The following SLC37A1 variants were observed in gnomAD, a reference collection of about 807,000 sequenced individuals.
The protein encoded by SLC37A1 is glucose-6-phosphate exchanger SLC37A1.
In SLC37A1, 49 loss-of-function variants were observed where a neutral mutation model predicts 75.3. That is an observed-to-expected ratio of 0.65 (90% CI 0.52 to 0.83). The LOEUF (loss-of-function observed/expected upper bound fraction) is 0.83, where lower values mean the gene tolerates loss of function less well. SLC37A1 is among the 40% of genes least tolerant of loss of function. The probability of loss-of-function intolerance (pLI) is 0.00; values close to 1 mark genes in which losing one functional copy is unlikely to be tolerated. For missense variants in SLC37A1, 566 were observed against 695.0 expected (o/e 0.81, Z 2.09); for synonymous variants, 268 against 292.1 (o/e 0.92, Z 0.84).
chr21:42,579,635 A>T, intron 18 of SLC37A1, 101 bp from the exon 19 acceptor site: 2 of 1,047,576 alleles, frequency 1.9e-6, no homozygotes, highest in Non-Finnish European at 2.6e-6. Flanking sequence ...GGAGAGAGCC[A>T]CCCGCCCAGG....
chr21:42,522,022 C>T (rs768264623), intron 2 of SLC37A1, among the ~76,000 whole-genome samples: 5 of 152,200 alleles, frequency 3.3e-5, no homozygotes, highest in Non-Finnish European at 4.4e-5. Flanking sequence ...CTGCTGCTGC[C>T]GCCGTTCTTG....
rs1463476609 is a variant in SLC37A1, at chr21:42,547,238, C to G, written c.768+98C>G. 7.6e-7 allele frequency: 1 copy of G among 1,319,562 alleles called. No homozygotes were observed. Among genetic ancestry groups the G allele is most frequent in the Admixed American group, 1.8e-5 (1 of 57,014 alleles). The allele number at this position is 1,319,562 out of a possible 1,614,324, so 81.7% of individuals were successfully genotyped here. ...CTGTGCGGTGTCAGACAGAAACACA[C>G]AGGGTAGACAGAAGTCCCACCCTCA... On this transcript the variant is annotated intron_variant, in intron 9 of 19. Transcript: ENST00000352133. The surrounding 1 kb of genome is among the most constrained non-coding windows in gnomAD (Gnocchi z 6.1).
intron 17 of SLC37A1, among the ~76,000 whole-genome samples, chr21:42,571,793 G>T (rs2056175823): frequency 1.1e-5 from 1 of 88,300 alleles, no homozygotes; most frequent in South Asian, 3.1e-4. Flanking sequence ...TTTTTTCCCG[G>T]GTAAGTAAAC....
intron 18 of SLC37A1, among the ~76,000 whole-genome samples, chr21:42,576,561 G>T (rs2056314527): frequency 6.6e-6 from 1 of 151,952 alleles, no homozygotes. Context: ...AAAAATGGTG[G>T]AATTGGACTC....
chr21:42,568,400 C>T lies in SLC37A1; in HGVS notation c.1385C>T (p.Ser462Phe). Residue 462 changes from serine (S) to phenylalanine (F), a missense_variant, in exon 17 of 20, where the codon TCC becomes TTC. Transcript: ENST00000352133. Reference protein sequence around the residue: ...KSLKGNAHALSTVTAIIDGTG... With the variant: ...KSLKGNAHALFTVTAIIDGTG... ...CTGAAAGGCAACGCGCACGCCCTCT[C>T]CACCGTGACGGCCATCATTGACGGG... 1 of 1,614,172 alleles carries T rather than the reference C, an allele frequency of 6.2e-7. No homozygotes were observed. Among genetic ancestry groups the T allele is most frequent in the Non-Finnish European group, 8.5e-7 (1 of 1,180,012 alleles).
upstream of SLC37A1, among the ~76,000 whole-genome samples, chr21:42,512,877 A>T (rs990679877): frequency 6.6e-6 from 1 of 152,268 alleles, no homozygotes; most frequent in African/African-American, 2.4e-5. Flanking sequence ...TGCGAGGCCT[A>T]GCAGGGCAGG....
At chr21:42,566,884 C>T (rs1219085771) in intron 15 of SLC37A1, 101 bp from the exon 16 acceptor site, 7 of 1,174,096 alleles carry the variant, frequency 6.0e-6, no homozygotes, top group African/African-American at 1.5e-5. Flanking sequence ...TCTGCTGCAT[C>T]CCCTCCCTGT....
At chr21:42,521,523 A>G (rs2054649482) in intron 2 of SLC37A1, among the ~76,000 whole-genome samples, 1 of 152,246 alleles carries the variant, frequency 6.6e-6, no homozygotes, top group African/African-American at 2.4e-5. Context: ...CAGTCAAACA[A>G]GGAGACAGAT....
chr21:42,575,873 C>A, intron 18 of SLC37A1: 1 of 985,264 alleles, frequency 1.0e-6, no homozygotes, highest in Non-Finnish European at 1.2e-6. Flanking sequence ...TCTGTGGGTT[C>A]TTTTAATGCC....
intron 12 of SLC37A1, among the ~76,000 whole-genome samples, chr21:42,563,404 G>A (rs1160219099): frequency 1.3e-5 from 2 of 152,196 alleles, no homozygotes; most frequent in African/African-American, 4.8e-5. Flanking sequence ...CCCAGAACCT[G>A]TACAAAACCT....
chr21:42,510,474 G>C (rs767650032), upstream of SLC37A1, among the ~76,000 whole-genome samples: 8 of 152,066 alleles, frequency 5.3e-5, no homozygotes, highest in Non-Finnish European at 8.8e-5. Context: ...AAGCAACAAA[G>C]GAACTACAAA....
intron 12 of SLC37A1, among the ~76,000 whole-genome samples, chr21:42,563,145 C>T (rs550302187): frequency 6.6e-6 from 1 of 152,284 alleles, no homozygotes; most frequent in East Asian, 1.9e-4. Context: ...TGCCTTGTGA[C>T]CCCCGCCTCA....
Position 42,519,665 on chromosome 21 carries a change from T to C in SLC37A1, c.56+1155T>C, listed in dbSNP as rs113544164. Among the ~76,000 whole-genome samples the C allele has an allele frequency of 7.1e-3, 1,081 of 152,334 alleles. 6 individuals are homozygous for C. The highest frequency in any genetic ancestry group is 8.8e-3 in the Non-Finnish European group (596 of 68,024). ...GCCCTGTGCAGCTTCTCAGCCCTGCTGGTTGGTGGAGCATCCACAGGGTGT... is the reference window on the plus strand; with the variant it reads ...GCCCTGTGCAGCTTCTCAGCCCTGCCGGTTGGTGGAGCATCCACAGGGTGT... On this transcript the variant is annotated intron_variant, in intron 2 of 19. Transcript: ENST00000352133.
intron 12 of SLC37A1, 96 bp from the exon 13 acceptor site, chr21:42,563,719 C>A: frequency 9.0e-7 from 1 of 1,111,548 alleles, no homozygotes; most frequent in Non-Finnish European, 1.4e-6. Flanking sequence ...CTTATGAAGC[C>A]AGAGTCCCGT....
At chr21:42,525,530 C>T (rs1228725908) in intron 2 of SLC37A1, among the ~76,000 whole-genome samples, 1 of 152,234 alleles carries the variant, frequency 6.6e-6, no homozygotes, top group African/African-American at 2.4e-5. Context: ...GTGTGTTGTG[C>T]ATGAGGGTAG....
chr21:42,568,400 C>G lies in SLC37A1; in HGVS notation c.1385C>G (p.Ser462Cys), dbSNP rs2056036374. The G allele has an allele frequency of 1.2e-6, 2 of 1,614,172 alleles. No individual in the cohort carries two copies. The highest frequency in any genetic ancestry group is 8.5e-7 in the Non-Finnish European group (1 of 1,180,012). The change falls in exon 17 of 20, where the codon TCC becomes TGC. Residue 462 changes from serine (S) to cysteine (C), a missense_variant. Transcript: ENST00000352133. ...CTGAAAGGCAACGCGCACGCCCTCT[C>G]CACCGTGACGGCCATCATTGACGGG... ...KSLKGNAHAL[S>C]TVTAIIDGTG...
At chr21:42,549,940 C>T (rs1445500862) in intron 9 of SLC37A1, among the ~76,000 whole-genome samples, 1 of 152,174 alleles carries the variant, frequency 6.6e-6, no homozygotes, top group East Asian at 1.9e-4. Flanking sequence ...ACCCAAGTTT[C>T]CAACAGTTGG....
chr21:42,544,453 T>A (rs1431240390), intron 8 of SLC37A1, among the ~76,000 whole-genome samples: 1 of 152,242 alleles, frequency 6.6e-6, no homozygotes, highest in East Asian at 1.9e-4. Flanking sequence ...CCTTTTAATT[T>A]TTAAGGTAAC....
intron 5 of SLC37A1, among the ~76,000 whole-genome samples, chr21:42,539,121 T>C (rs2055211480): frequency 6.6e-6 from 1 of 152,164 alleles, no homozygotes; most frequent in Non-Finnish European, 1.5e-5. Flanking sequence ...TCTCATGACA[T>C]TTGGTGTAGT....
Sources: gnomAD v4.1 joint callset for allele counts (sites outside exome capture counted in the v4.1 genomes callset) on GRCh38, gnomAD v4.1.1 for gene constraint, Gnocchi (gnomAD v3.1) non-coding constraint, MANE v1.5 for transcripts, NCBI Gene and HGNC (gene_info 2026-07-23, HGNC 2026-07-21) for gene names.